PRR16: variants seen among roughly 807,000 people sequenced by gnomAD.
PRR16 encodes proline rich 16, also known as protein Largen.
PRR16 carries 6 observed loss-of-function variants against 18.2 expected under a neutral mutation model. The observed-to-expected ratio is 0.33, with a 90% CI of 0.18 to 0.65. The LOEUF (loss-of-function observed/expected upper bound fraction) is 0.65, where lower values mean the gene tolerates loss of function less well. Among genes scored for constraint, PRR16 ranks in the 30% least tolerant of loss-of-function variants. PRR16 has a pLI of 0.74. For missense variants in PRR16, 412 were observed against 376.6 expected (o/e 1.09, Z -0.78); for synonymous variants, 151 against 147.8 (o/e 1.02, Z -0.16).
At chr5:120,599,054 GT>G (rs1305954224) in intron 1 of PRR16, among the ~76,000 whole-genome samples, 1 of 151,674 alleles carries the variant, frequency 6.6e-6, no homozygotes, top group Non-Finnish European at 1.5e-5. Context: ...CTTGTAATAT[GT>G]TTAGTCTCAT....
At chr5:120,777,227 ATTG>A in the PRR16 span, among the ~76,000 whole-genome samples, 1 of 152,114 alleles carries the variant, frequency 6.6e-6, no homozygotes, top group African/African-American at 2.4e-5. Context: ...AATGAGTTTT[ATTG>A]TTCAATATAT....
At chr5:120,647,979 A>G (rs1443519982) in intron 1 of PRR16, among the ~76,000 whole-genome samples, 1 of 152,098 alleles carries the variant, frequency 6.6e-6, no homozygotes, top group African/African-American at 2.4e-5. Context: ...TAGATATAGC[A>G]TTTTGGAAAG....
chr5:120,688,235 A>G (rs1757170397), downstream of PRR16, among the ~76,000 whole-genome samples: 1 of 152,218 alleles, frequency 6.6e-6, no homozygotes, highest in African/African-American at 2.4e-5. Flanking sequence ...GAATACAAAA[A>G]GAAAATAGGC....
chr5:120,508,171 C>G (rs1750706812), intron 1 of PRR16, among the ~76,000 whole-genome samples: 1 of 152,062 alleles, frequency 6.6e-6, no homozygotes, highest in African/African-American at 2.4e-5. Context: ...TCCCTTTCCC[C>G]TTCCTGGAAT....
chr5:120,742,580 C>A, the PRR16 span, among the ~76,000 whole-genome samples: 1,678 of 151,916 alleles, frequency 0.011, 28 homozygotes, highest in African/African-American at 0.037. Context: ...AGCATAGTTT[C>A]ATAATTTATT....
At chr5:120,655,725 C>CTTT (rs5870911) in intron 1 of PRR16, among the ~76,000 whole-genome samples, 14 of 102,768 alleles carry the variant, frequency 1.4e-4, no homozygotes, top group South Asian at 3.1e-4. Context: ...TAGCAATTGA[C>CTTT]TTTTTTTTTT....
intron 1 of PRR16, among the ~76,000 whole-genome samples, chr5:120,640,991 T>A (rs1400130490): frequency 2.6e-5 from 4 of 152,066 alleles, no homozygotes; most frequent in Non-Finnish European, 4.4e-5. Context: ...CCAAAATTTT[T>A]AAGAAGAGGC....
intron 1 of PRR16, among the ~76,000 whole-genome samples, chr5:120,520,528 A>C (rs184155975): frequency 6.6e-6 from 1 of 152,364 alleles, no homozygotes; most frequent in East Asian, 1.9e-4. Context: ...AAAAGAACCC[A>C]GGGTGAGAGA....
intron 1 of PRR16, among the ~76,000 whole-genome samples, chr5:120,649,220 T>C (rs1048472029): frequency 2.6e-5 from 4 of 152,152 alleles, no homozygotes; most frequent in Non-Finnish European, 4.4e-5. Flanking sequence ...TATTCTTTTC[T>C]CCTATTATTT....
the PRR16 span, among the ~76,000 whole-genome samples, chr5:120,769,926 G>A: frequency 1.4e-5 from 2 of 142,406 alleles, no homozygotes; most frequent in Non-Finnish European, 3.2e-5. Flanking sequence ...GTGATATTTC[G>A]TTGTACTTTT....
At chr5:120,614,210 T>C (rs910369804) in intron 1 of PRR16, among the ~76,000 whole-genome samples, 5 of 152,230 alleles carry the variant, frequency 3.3e-5, no homozygotes, top group Admixed American at 6.5e-5. Context: ...ATGTGGCAAG[T>C]TGAGTGTAAA....
At chr5:120,512,998 A>C (rs1750877866) in intron 1 of PRR16, among the ~76,000 whole-genome samples, 1 of 152,148 alleles carries the variant, frequency 6.6e-6, no homozygotes, top group African/African-American at 2.4e-5. Flanking sequence ...ACCTTTTTCT[A>C]GACTAAATAT....
the PRR16 span, among the ~76,000 whole-genome samples, chr5:120,702,334 TG>T: frequency 6.7e-6 from 1 of 150,348 alleles, no homozygotes; most frequent in African/African-American, 2.5e-5. Context: ...AATAAGGGAT[TG>T]GGGCGCAGAG....
chr5:120,515,823 C>T (rs544417237), intron 1 of PRR16, among the ~76,000 whole-genome samples: 2 of 152,226 alleles, frequency 1.3e-5, no homozygotes, highest in Admixed American at 1.3e-4. Flanking sequence ...CATTAATTGC[C>T]TTTATAGCAT....
intron 1 of PRR16, among the ~76,000 whole-genome samples, chr5:120,474,599 A>T (rs373293029): frequency 5.6e-5 from 6 of 107,652 alleles, no homozygotes; most frequent in African/African-American, 2.5e-4. Flanking sequence ...CTTTTTTTTA[A>T]AAAAAAAACC....
At chr5:120,728,269 C>T in the PRR16 span, among the ~76,000 whole-genome samples, 3 of 150,910 alleles carry the variant, frequency 2.0e-5, no homozygotes, top group Non-Finnish European at 4.4e-5. Flanking sequence ...AGCATTAAGA[C>T]ATACTACAAT....
At chr5:120,762,636 T>C in the PRR16 span, among the ~76,000 whole-genome samples, 1 of 152,190 alleles carries the variant, frequency 6.6e-6, no homozygotes, top group Non-Finnish European at 1.5e-5. Context: ...AAGGGCATTG[T>C]TTTCTCCTGG....
At chr5:120,639,285 T>G (rs1037120992) in intron 1 of PRR16, among the ~76,000 whole-genome samples, 4 of 152,064 alleles carry the variant, frequency 2.6e-5, no homozygotes, top group African/African-American at 9.7e-5. Flanking sequence ...TACACCTAAA[T>G]TATAGTCAAC....
chr5:120,484,325 T>C (rs1455341598), intron 1 of PRR16, among the ~76,000 whole-genome samples: 1 of 135,694 alleles, frequency 7.4e-6, no homozygotes, highest in African/African-American at 2.7e-5. Context: ...ATTTATCTTA[T>C]ATATAAATGT....
Sources: allele counts gnomAD v4.1 joint callset (sites outside exome capture counted in the v4.1 genomes callset), GRCh38; gene constraint gnomAD v4.1.1; transcripts MANE v1.5; gene names NCBI Gene and HGNC (gene_info 2026-07-23, HGNC 2026-07-21).